Variants in NFATC1 observed in about 807,000 individuals in gnomAD.
The protein encoded by NFATC1 is nuclear factor of activated T cells 1, also known as nuclear factor of activated T-cells, cytoplasmic 1.
Under a neutral mutation model 76.0 loss-of-function variants are expected in NFATC1, and 22 were observed. The ratio of observed to expected loss-of-function variants is 0.29; its 90% CI spans 0.21 to 0.41. The LOEUF (loss-of-function observed/expected upper bound fraction) is 0.41. Ranked by LOEUF, NFATC1 falls within the 10% of genes least tolerant of loss-of-function variation. NFATC1 has a pLI of 1.00. For missense variants in NFATC1, 1,357 were observed against 1,337.7 expected (o/e 1.01, Z -0.23); for synonymous variants, 704 against 613.1 (o/e 1.15, Z -2.19).
chr18:79,444,516 C>A (rs1299380253), intron 3 of NFATC1, among the ~76,000 whole-genome samples: 1 of 152,190 alleles, frequency 6.6e-6, no homozygotes, highest in African/African-American at 2.4e-5. Flanking sequence ...GACCCCAGGC[C>A]CCTCAGGCCC....
At chr18:79,487,188 A>G (rs1172419741) in intron 9 of NFATC1, among the ~76,000 whole-genome samples, 1 of 152,132 alleles carries the variant, frequency 6.6e-6, no homozygotes, top group Non-Finnish European at 1.5e-5. Context: ...TGGGCTGCAG[A>G]TCCTCCTGCG....
chr18:79,467,318 G>T, intron 7 of NFATC1, 132 bp from the exon 8 acceptor site: 1 of 825,960 alleles, frequency 1.2e-6, no homozygotes, highest in Non-Finnish European at 1.8e-6. Flanking sequence ...GGGTTGCCGT[G>T]TGGCCGCCGT....
chr18:79,396,130 G>A lies in NFATC1; in HGVS notation c.-95G>A. On this transcript the variant is annotated 5_prime_UTR_variant, in exon 1 of 10. Transcript: ENST00000427363. Reference sequence around the variant, plus strand: ...GCGCGCGGCGCTGAGCCCGGGGCGAGGGCTGTCTTCCCGGAGACCCGACCC... The same window carrying A: ...GCGCGCGGCGCTGAGCCCGGGGCGAAGGCTGTCTTCCCGGAGACCCGACCC... 2 of 1,263,020 alleles carry A rather than the reference G, an allele frequency of 1.6e-6. No homozygotes were observed. The highest frequency in any genetic ancestry group is 2.0e-6 in the Non-Finnish European group (2 of 991,216). 78.2% of individuals were successfully genotyped at this position (1,263,020 alleles called of 1,614,324 possible).
At chr18:79,396,950 G>C (rs2085026404) in intron 1 of NFATC1, among the ~76,000 whole-genome samples, 1 of 152,212 alleles carries the variant, frequency 6.6e-6, no homozygotes, top group South Asian at 2.1e-4. Flanking sequence ...AAGCCATTTT[G>C]AAATCCTATA....
chr18:79,400,478 A>T, intron 1 of NFATC1: 1 of 1,478,846 alleles, frequency 6.8e-7, no homozygotes, highest in South Asian at 1.3e-5. Context: ...CGGCCGCCCC[A>T]GGTGGGTCAG....
At position 79,442,193 on chromosome 18, in the gene NFATC1, G is replaced by T. The variant is rs3786191; in HGVS notation, c.1387-6589G>T. Among the ~76,000 whole-genome samples the T allele has an allele frequency of 1.4e-3, 219 of 152,318 alleles. 2 individuals are homozygous for T. The East Asian group carries it at 0.036, about 25-fold the overall frequency. ...GGCACCAGTTCTCCACGGCAAGCAC[G>T]GCCTCTGGGGCTGCTCTTCCGGAGA... On this transcript the variant is annotated intron_variant, in intron 3 of 9. Coordinates refer to ENST00000427363, the MANE Select transcript of NFATC1 (RefSeq NM_001278669.2).
At chr18:79,500,991 C>T (rs1232386147) in intron 9 of NFATC1, among the ~76,000 whole-genome samples, 2 of 152,102 alleles carry the variant, frequency 1.3e-5, no homozygotes, top group African/African-American at 4.8e-5. Context: ...ATACTGAAGC[C>T]AGTATAGCCC....
chr18:79,449,995 G>T (rs536771973), intron 4 of NFATC1, among the ~76,000 whole-genome samples: 2 of 152,314 alleles, frequency 1.3e-5, no homozygotes, highest in South Asian at 2.1e-4. Flanking sequence ...AGTTTGCCTC[G>T]AGAGCTGTAA....
At chr18:79,400,324 G>C in intron 1 of NFATC1, 5 of 1,320,618 alleles carry the variant, frequency 3.8e-6, no homozygotes, top group Non-Finnish European at 4.9e-6. Flanking sequence ...CGCGCGGGCA[G>C]CGCCGGGAGA....
chr18:79,488,331 T>C (rs1335045569), intron 9 of NFATC1, among the ~76,000 whole-genome samples: 4 of 126,616 alleles, frequency 3.2e-5, no homozygotes, highest in Non-Finnish European at 1.8e-5. Context: ...TGTGTGTGTG[T>C]GTGTGAACTT....
At chr18:79,509,229 C>T (rs1014565432) in intron 9 of NFATC1, among the ~76,000 whole-genome samples, 6 of 152,346 alleles carry the variant, frequency 3.9e-5, no homozygotes, top group African/African-American at 1.2e-4. Context: ...CCCTTTTCTG[C>T]ACCTGTCTCT....
intron 9 of NFATC1, among the ~76,000 whole-genome samples, chr18:79,525,775 C>T (rs1479882226): frequency 1.3e-5 from 2 of 152,250 alleles, no homozygotes; most frequent in Admixed American, 1.3e-4. Flanking sequence ...CCTCCCTTCC[C>T]CCACAGGTGG....
intron 9 of NFATC1, among the ~76,000 whole-genome samples, chr18:79,515,506 TG>T (rs2090359089): frequency 6.6e-6 from 1 of 152,004 alleles, no homozygotes; most frequent in Non-Finnish European, 1.5e-5. Flanking sequence ...CTCACACCCC[TG>T]CAGCCTGGCC....
chr18:79,452,022 G>T lies in NFATC1; in HGVS notation c.1903+206G>T, dbSNP rs1428800398. ...CCGACAGCTGTGCTGCTGAAGGGAA[G>T]AGGTGGATGTTTATTTCTGGGGCCG... is the stretch of plus-strand genomic sequence containing the variant. On this transcript the variant is annotated intron_variant, in intron 6 of 9. Transcript: ENST00000427363. 7 of 537,322 alleles carry T rather than the reference G, an allele frequency of 1.3e-5. No homozygotes were observed. The Admixed American group carries it at 2.4e-4, about 19-fold the overall frequency. 33.3% of individuals were successfully genotyped at this position (537,322 alleles called of 1,614,324 possible). A position where few individuals can be genotyped will look rare whatever the true frequency, so the allele number is the denominator to read the frequency against.
At chr18:79,429,854 G>A (rs923187669) in intron 2 of NFATC1, among the ~76,000 whole-genome samples, 2 of 152,240 alleles carry the variant, frequency 1.3e-5, no homozygotes, top group South Asian at 2.1e-4. Context: ...GTCCTGCACC[G>A]CGGCGTCGGG....
chr18:79,397,762 G>C (rs1466063753), intron 1 of NFATC1, among the ~76,000 whole-genome samples: 2 of 152,214 alleles, frequency 1.3e-5, no homozygotes, highest in Non-Finnish European at 2.9e-5. Flanking sequence ...TGAAGAGCCG[G>C]TGGCCGACCT....
chr18:79,452,989 G>T (rs73007700), intron 6 of NFATC1, among the ~76,000 whole-genome samples: 6,230 of 152,298 alleles, frequency 0.041, 180 homozygotes, highest in Non-Finnish European at 0.061. Context: ...GGCTTTAGAG[G>T]TCTTTGACTC....
chr18:79,425,792 G>A (rs909014481), intron 2 of NFATC1, among the ~76,000 whole-genome samples: 1 of 152,216 alleles, frequency 6.6e-6, no homozygotes, highest in Middle Eastern at 3.2e-3. Flanking sequence ...CAGGTGGGCG[G>A]GGGAGGAGCT....
chr18:79,526,919 GT>G, intron 9 of NFATC1, among the ~76,000 whole-genome samples: 1 of 152,228 alleles, frequency 6.6e-6, no homozygotes, highest in East Asian at 1.9e-4. Context: ...GAGATGGGAC[GT>G]GGCGACAGTG....
Sources: gnomAD v4.1 joint callset for allele counts (sites outside exome capture counted in the v4.1 genomes callset) on GRCh38, gnomAD v4.1.1 for gene constraint, MANE v1.5 for transcripts, NCBI Gene and HGNC (gene_info 2026-07-23, HGNC 2026-07-21) for gene names.